SENP5: variants seen among roughly 807,000 people sequenced by gnomAD.
SENP5 encodes the protein SUMO specific peptidase 5.
Under a neutral mutation model 74.2 loss-of-function variants are expected in SENP5, and 21 were observed. The ratio of observed to expected loss-of-function variants is 0.28; its 90% CI spans 0.20 to 0.41. SENP5 has a LOEUF of 0.41. Ranked by LOEUF, SENP5 falls within the 10% of genes least tolerant of loss-of-function variation. The pLI is 1.00. For missense variants in SENP5, 717 were observed against 889.1 expected (o/e 0.81, Z 2.46); for synonymous variants, 311 against 312.7 (o/e 0.99, Z 0.06).
At chr3:196,896,558 G>A (rs906816144) in intron 2 of SENP5, among the ~76,000 whole-genome samples, 5 of 152,142 alleles carry the variant, frequency 3.3e-5, no homozygotes, top group African/African-American at 9.7e-5. Flanking sequence ...AGGTTCAAGC[G>A]ATTTTCCTGC....
chr3:196,873,387 A>G (rs1713305573), intron 1 of SENP5, among the ~76,000 whole-genome samples: 1 of 151,902 alleles, frequency 6.6e-6, no homozygotes, highest in Non-Finnish European at 1.5e-5. Context: ...CCGAGACTTA[A>G]CGTCTTTAGA....
At chr3:196,881,317 T>C (rs148814557) in intron 1 of SENP5, among the ~76,000 whole-genome samples, 1 of 152,338 alleles carries the variant, frequency 6.6e-6, no homozygotes, top group East Asian at 1.9e-4. Context: ...ATATTTGTAT[T>C]ATTGTAGGCA....
At chr3:196,888,272 C>A (rs1714058545) in intron 2 of SENP5, among the ~76,000 whole-genome samples, 1 of 152,082 alleles carries the variant, frequency 6.6e-6, no homozygotes, top group African/African-American at 2.4e-5. Context: ...TATTTTGATA[C>A]TGAAAGATGT....
chr3:196,928,100 G>T (rs1396792145), intron 8 of SENP5, among the ~76,000 whole-genome samples: 2 of 152,156 alleles, frequency 1.3e-5, no homozygotes, highest in Admixed American at 1.3e-4. Flanking sequence ...TTTCCTCCCT[G>T]AGGAAGTTGC....
At chr3:196,920,335 AT>A (rs912113959) in intron 6 of SENP5, among the ~76,000 whole-genome samples, 1 of 152,206 alleles carries the variant, frequency 6.6e-6, no homozygotes, top group Non-Finnish European at 1.5e-5. Context: ...ATTTTAAAAA[AT>A]ATTATCTTCT....
intron 1 of SENP5, among the ~76,000 whole-genome samples, chr3:196,884,399 A>G (rs982106548): frequency 6.6e-6 from 1 of 152,246 alleles, no homozygotes; most frequent in African/African-American, 2.4e-5. Flanking sequence ...TCAAATCCAA[A>G]CAATAACTTC....
Position 196,930,955 on chromosome 3 carries a change from A to C in SENP5, c.*32A>C. 1 of 1,358,252 alleles carries C rather than the reference A, an allele frequency of 7.4e-7. No homozygotes were observed. Among genetic ancestry groups the C allele is most frequent in the Non-Finnish European group, 1.1e-6 (1 of 946,816 alleles). The allele number at this position is 1,358,252 out of a possible 1,614,324, so 84.1% of individuals were successfully genotyped here. A position where few individuals can be genotyped will look rare whatever the true frequency, so the allele number is the denominator to read the frequency against. On this transcript the variant is annotated 3_prime_UTR_variant, in exon 10 of 10. Transcript: ENST00000323460. The stretch of plus-strand genomic sequence containing the variant: ...GCAGGGACTCTGGGAAGTCTGACCA[A>C]GTTGGAGCAGATGGTTTGTTACTTG...
At chr3:196,895,269 G>T (rs912829258) in intron 2 of SENP5, among the ~76,000 whole-genome samples, 1 of 147,838 alleles carries the variant, frequency 6.8e-6, no homozygotes, top group Non-Finnish European at 1.5e-5. Flanking sequence ...TCAGCTCGCT[G>T]CAAGCTCCGC....
chr3:196,870,627 C>G (rs1279218981), intron 1 of SENP5, among the ~76,000 whole-genome samples: 1 of 151,962 alleles, frequency 6.6e-6, no homozygotes. Flanking sequence ...AAGTGATTGT[C>G]CTGTCTCAGC....
chr3:196,908,246 C>T (rs1389687062), intron 6 of SENP5, among the ~76,000 whole-genome samples: 1 of 152,166 alleles, frequency 6.6e-6, no homozygotes, highest in East Asian at 1.9e-4. Flanking sequence ...CGCCACTGCA[C>T]TCCTGCCTGG....
Position 196,918,045 on chromosome 3 carries a change from C to G in SENP5, c.1885-5369C>G, listed in dbSNP as rs190206958. 9.3e-4 allele frequency among the ~76,000 whole-genome samples: 139 copies of G among 149,290 alleles called. 1 individual carries two copies. Among genetic ancestry groups the G allele is most frequent in the African/African-American group, 2.6e-3 (100 of 39,194 alleles). ...GAAACAATGGCCGGGCACGGTGGCT[C>G]ACACCTGTAATCCCAGCACTTTGGG... On this transcript the variant is annotated intron_variant, in intron 6 of 9. Transcript: ENST00000323460.
In SENP5 at chr3:196,933,909, T is replaced by TA. The variant is rs1245023305; in HGVS notation, c.*2987dup. On this transcript the variant is annotated 3_prime_UTR_variant, in exon 10 of 10. Coordinates refer to ENST00000323460, the MANE Select transcript of SENP5 (RefSeq NM_152699.5). ...GAGCTACCGTGCCTGGCCTAAACCTTACGCTTTTGAGGTTGAGTGCAGGCC... is the reference window on the plus strand; with the variant it reads ...GAGCTACCGTGCCTGGCCTAAACCTTAACGCTTTTGAGGTTGAGTGCAGGCC... 1.3e-5 allele frequency: 2 copies of TA among 152,294 alleles called. No homozygotes were observed. Among genetic ancestry groups the TA allele is most frequent in the East Asian group, 1.9e-4 (1 of 5,184 alleles). The allele number at this position is 152,294 out of a possible 1,614,324, so 9.4% of individuals were successfully genotyped here.
chr3:196,900,580 A>C (rs1430560408), intron 5 of SENP5, among the ~76,000 whole-genome samples, 168 bp downstream of exon 5: 2 of 152,090 alleles, frequency 1.3e-5, no homozygotes, highest in African/African-American at 2.4e-5. Context: ...AGTTCCATCA[A>C]ATCACTTCTT....
chr3:196,875,178 A>C (rs563630954), intron 1 of SENP5, among the ~76,000 whole-genome samples: 1 of 152,216 alleles, frequency 6.6e-6, no homozygotes, highest in Non-Finnish European at 1.5e-5. Flanking sequence ...TGATACCACT[A>C]TCTACCTAGT....
rs1716075219 is a variant in SENP5, at chr3:196,932,608, G to A, written c.*1685G>A. On this transcript the variant is annotated 3_prime_UTR_variant, in exon 10 of 10. Coordinates refer to ENST00000323460, the MANE Select transcript of SENP5 (RefSeq NM_152699.5). ...GAGGCACTTTATGCTGCTATAGGTG[G>A]GGTTCTGTCAGCGTTAGGAAAAAAT... The A allele has an allele frequency of 6.6e-6, 1 of 152,086 alleles. No individual in the cohort carries two copies. The highest frequency in any genetic ancestry group is 2.4e-5 in the African/African-American group (1 of 41,408). 9.4% of individuals were successfully genotyped at this position (152,086 alleles called of 1,614,324 possible). A position where few individuals can be genotyped will look rare whatever the true frequency, so the allele number is the denominator to read the frequency against.
At chr3:196,894,120 T>G (rs985695540) in intron 2 of SENP5, among the ~76,000 whole-genome samples, 8 of 145,552 alleles carry the variant, frequency 5.5e-5, no homozygotes, top group Non-Finnish European at 7.6e-5. Context: ...AATGTGGTTT[T>G]TTTTTTTTTT....
chr3:196,895,073 AC>A (rs1444597129), intron 2 of SENP5, among the ~76,000 whole-genome samples: 3 of 152,128 alleles, frequency 2.0e-5, no homozygotes, highest in Non-Finnish European at 2.9e-5. Context: ...TGCATTTCTT[AC>A]GTGCACAGCA....
intron 8 of SENP5, chr3:196,929,168 C>T (rs1180554070): frequency 1.3e-5 from 2 of 153,742 alleles, no homozygotes; most frequent in African/African-American, 4.8e-5. Flanking sequence ...AAACCCAAAA[C>T]AAAAACCATA....
chr3:196,873,364 C>T (rs890117161), intron 1 of SENP5, among the ~76,000 whole-genome samples: 21 of 151,610 alleles, frequency 1.4e-4, no homozygotes, highest in East Asian at 2.0e-4. Flanking sequence ...TGAGCCACCG[C>T]GCCCGGCCCC....
Sources: allele counts gnomAD v4.1 joint callset (sites outside exome capture counted in the v4.1 genomes callset), GRCh38; gene constraint gnomAD v4.1.1; transcripts MANE v1.5; gene names NCBI Gene and HGNC (gene_info 2026-07-23, HGNC 2026-07-21).